The following ACACA variants were observed in gnomAD, a reference collection of about 807,000 sequenced individuals.
ACACA encodes the protein acetyl-CoA carboxylase alpha, also known as acetyl-CoA carboxylase 1.
In ACACA, 103 loss-of-function variants were observed where a neutral mutation model predicts 296.1. The observed-to-expected ratio is 0.35, with a 90% CI of 0.30 to 0.41. The LOEUF is 0.41. Among genes scored for constraint, ACACA ranks in the 10% least tolerant of loss-of-function variants. ACACA has a pLI of 1.00. For synonymous variants in ACACA, 953 were observed against 1,038.6 expected, an observed-to-expected ratio of 0.92 and a Z score of 1.58; for missense variants, 1,554 against 2,989.7, an observed-to-expected ratio of 0.52 and a Z score of 11.20.
chr17:37,315,404 A>C (rs1423568448), intron 3 of ACACA, among the ~76,000 whole-genome samples: 1 of 152,210 alleles, frequency 6.6e-6, no homozygotes, highest in Non-Finnish European at 1.5e-5. Flanking sequence ...ATCAACAACC[A>C]GTTCTGTCCA....
chr17:37,255,999 G>A (rs550995929), intron 14 of ACACA, among the ~76,000 whole-genome samples: 2 of 152,068 alleles, frequency 1.3e-5, no homozygotes, highest in South Asian at 4.2e-4. Flanking sequence ...TGCCAGCCTC[G>A]GTCTCCCAAA....
rs866701725 is a variant in ACACA, at chr17:37,174,022, T to A, written c.5079+5238A>T. On this transcript the variant is annotated intron_variant, in intron 41 of 55. Coordinates refer to ENST00000616317, the MANE Select transcript of ACACA (RefSeq NM_198834.3). ...TATATATATATATATATATATATATTTTTTTTTTTTTTTTTTTTTGTAGCG... is the reference window on the plus strand; with the variant it reads ...TATATATATATATATATATATATATATTTTTTTTTTTTTTTTTTTGTAGCG... Among the ~76,000 whole-genome samples the A allele has an allele frequency of 9.4e-3, 213 of 22,644 alleles. 2 individuals are homozygous for A. Among genetic ancestry groups the A allele is most frequent in the Non-Finnish European group, 0.017 (156 of 9,306 alleles). The allele number at this position is 22,644 out of a possible 152,430, so 14.9% of individuals were successfully genotyped here.
chr17:37,192,623 TTATA>T (rs1258076120), intron 36 of ACACA, among the ~76,000 whole-genome samples: 1 of 152,150 alleles, frequency 6.6e-6, no homozygotes, highest in Non-Finnish European at 1.5e-5. Flanking sequence ...TTTAATGTCT[TTATA>T]TAATTCATTT....
At chr17:37,088,377 A>G (rs2072369083) in intron 55 of ACACA, among the ~76,000 whole-genome samples, 1 of 152,244 alleles carries the variant, frequency 6.6e-6, no homozygotes, top group Non-Finnish European at 1.5e-5. Context: ...AGGCACACTC[A>G]TAAGTGATAT....
chr17:37,310,661 G>A (rs2084085952), intron 3 of ACACA, among the ~76,000 whole-genome samples: 1 of 151,790 alleles, frequency 6.6e-6, no homozygotes, highest in African/African-American at 2.4e-5. Context: ...CAGGCATGAT[G>A]GTGGGCGCCT....
In ACACA at chr17:37,086,656, A is replaced by T. The variant is rs1445888687; in HGVS notation, c.*660T>A. 1 of 153,760 alleles carries T rather than the reference A, an allele frequency of 6.5e-6. No homozygotes were observed. Among genetic ancestry groups the T allele is most frequent in the Non-Finnish European group, 1.4e-5 (1 of 69,140 alleles). The allele number at this position is 153,760 out of a possible 1,614,324, so 9.5% of individuals were successfully genotyped here. On this transcript the variant is annotated 3_prime_UTR_variant, in exon 56 of 56. Coordinates refer to ENST00000616317, the MANE Select transcript of ACACA (RefSeq NM_198834.3). ...GTTGAGGTCCCCTAAATCAAGAATA[A>T]CTGGTTCTATTTTCTTTCTCTGCTT...
At chr17:37,396,495 C>T (rs1021948069) in intron 1 of ACACA, among the ~76,000 whole-genome samples, 2 of 152,180 alleles carry the variant, frequency 1.3e-5, no homozygotes, top group African/African-American at 4.8e-5. Context: ...CATTAACATC[C>T]TTCCTTTTCT....
chr17:37,379,394 A>T (rs2050146070), intron 1 of ACACA: 1 of 1,611,758 alleles, frequency 6.2e-7, no homozygotes, highest in South Asian at 1.1e-5. Flanking sequence ...TGAGATTGGA[A>T]AAGAGGAAGG....
At chr17:37,102,711 C>A (rs767916158) in intron 52 of ACACA, among the ~76,000 whole-genome samples, 4 of 152,238 alleles carry the variant, frequency 2.6e-5, no homozygotes, top group Non-Finnish European at 5.9e-5. Flanking sequence ...GGAGCAGCTA[C>A]GGGCTGAGGA....
intron 1 of ACACA, among the ~76,000 whole-genome samples, chr17:37,385,043 C>T (rs977056866): frequency 2.0e-5 from 3 of 152,200 alleles, no homozygotes; most frequent in Non-Finnish European, 2.9e-5. Context: ...CTATCCATCT[C>T]CCATCACTTC....
chr17:37,333,962 G>A (rs1397334568), intron 2 of ACACA, among the ~76,000 whole-genome samples: 1 of 151,772 alleles, frequency 6.6e-6, no homozygotes, highest in East Asian at 1.9e-4. Context: ...TCCCAGATTC[G>A]GACTTCCCCA....
At chr17:37,121,329 C>T (rs1222236112) in intron 50 of ACACA, 26 bp downstream of exon 50, 5 of 1,613,806 alleles carry the variant, frequency 3.1e-6, no homozygotes, top group Non-Finnish European at 4.2e-6. Flanking sequence ...AGTGATGCCC[C>T]TCCAGCCCAC....
intron 35 of ACACA, among the ~76,000 whole-genome samples, chr17:37,198,427 C>A (rs978829583): frequency 2.0e-5 from 3 of 152,182 alleles, no homozygotes; most frequent in Admixed American, 1.3e-4. Flanking sequence ...GCACAATACT[C>A]TTCTAAAATC....
intron 3 of ACACA, among the ~76,000 whole-genome samples, chr17:37,318,567 T>C (rs1280256824): frequency 6.6e-6 from 1 of 152,194 alleles, no homozygotes; most frequent in East Asian, 1.9e-4. Context: ...GTGGTTATTC[T>C]CAACGTGTGA....
intron 30 of ACACA, 60 bp downstream of exon 30, chr17:37,210,407 T>C (rs2078693847): frequency 1.1e-5 from 16 of 1,506,872 alleles, no homozygotes; most frequent in Non-Finnish European, 1.4e-5. Context: ...TTTCCTGGTT[T>C]CACTATTCTA....
chr17:37,231,577 G>T (rs1360922846), intron 25 of ACACA, among the ~76,000 whole-genome samples: 1 of 152,212 alleles, frequency 6.6e-6, no homozygotes, highest in Non-Finnish European at 1.5e-5. Flanking sequence ...GTGGAGGAAG[G>T]AAAGGTGCTG....
chr17:37,362,076 C>T (rs2049425002), intron 1 of ACACA, among the ~76,000 whole-genome samples: 2 of 152,234 alleles, frequency 1.3e-5, no homozygotes, highest in African/African-American at 4.8e-5. Context: ...GCGACGAGGA[C>T]ACAGACACAC....
At chr17:37,398,894 C>T (rs2051187394) in intron 1 of ACACA, among the ~76,000 whole-genome samples, 1 of 145,770 alleles carries the variant, frequency 6.9e-6, no homozygotes, top group African/African-American at 2.6e-5. Context: ...TTCATCATAT[C>T]CTTATGAAAC....
intron 50 of ACACA, among the ~76,000 whole-genome samples, chr17:37,115,639 GGA>G (rs2074208799): frequency 6.6e-6 from 1 of 151,918 alleles, no homozygotes; most frequent in African/African-American, 2.4e-5. Context: ...AAAAAGAAGG[GGA>G]GATTTTATTT....
Sources: allele counts gnomAD v4.1 joint callset (sites outside exome capture counted in the v4.1 genomes callset), GRCh38; gene constraint gnomAD v4.1.1; transcripts MANE v1.5; gene names NCBI Gene and HGNC (gene_info 2026-07-23, HGNC 2026-07-21).